The following FSTL5 variants were observed in gnomAD, a reference collection of about 807,000 sequenced individuals.
The protein encoded by FSTL5 is follistatin-related protein 5.
Under a neutral mutation model 89.1 loss-of-function variants are expected in FSTL5, and 62 were observed. That is an observed-to-expected ratio of 0.70 (90% CI 0.57 to 0.86). The LOEUF (loss-of-function observed/expected upper bound fraction) is 0.86. FSTL5 is among the 40% of genes least tolerant of loss of function. The pLI, the probability that FSTL5 is intolerant of heterozygous loss-of-function variation, is 0.00. For synonymous variants in FSTL5, 383 were observed against 346.2 expected (o/e 1.11, Z -1.18); for missense variants, 1,057 against 1,001.6 (o/e 1.06, Z -0.75).
chr4:161,407,748 G>C (rs1056151938), intron 15 of FSTL5, among the ~76,000 whole-genome samples: 4 of 125,366 alleles, frequency 3.2e-5, no homozygotes, highest in African/African-American at 1.2e-4. Context: ...TATCCCACAG[G>C]CCCACCTACC....
chr4:161,979,811 TG>T (rs1735764536), intron 3 of FSTL5, among the ~76,000 whole-genome samples: 1 of 152,014 alleles, frequency 6.6e-6, no homozygotes, highest in Non-Finnish European at 1.5e-5. Flanking sequence ...TATATTTTGG[TG>T]GGGATTGGTA....
chr4:161,699,565 C>A (rs922219036), intron 6 of FSTL5, among the ~76,000 whole-genome samples: 2 of 152,126 alleles, frequency 1.3e-5, no homozygotes, highest in Non-Finnish European at 2.9e-5. Flanking sequence ...TATAGCTTTT[C>A]ATTATTTCAT....
chr4:161,622,073 CATTAG>C (rs1026443733), intron 7 of FSTL5, among the ~76,000 whole-genome samples: 23 of 152,008 alleles, frequency 1.5e-4, no homozygotes, highest in Admixed American at 1.3e-3. Context: ...ATGCTAAAAA[CATTAG>C]AAGTTGATAA....
intron 6 of FSTL5, among the ~76,000 whole-genome samples, chr4:161,745,284 C>T (rs1740159852): frequency 6.6e-6 from 1 of 151,988 alleles, no homozygotes; most frequent in Admixed American, 6.6e-5. Flanking sequence ...TTAGAAAACA[C>T]AGATGAAAGA....
intron 3 of FSTL5, among the ~76,000 whole-genome samples, chr4:161,948,894 A>G (rs890407368): frequency 6.6e-6 from 1 of 151,994 alleles, no homozygotes; most frequent in South Asian, 2.1e-4. Context: ...CCCTGTGGCT[A>G]TTTTCTCTCA....
chr4:162,050,284 A>C (rs1738336533), intron 2 of FSTL5, among the ~76,000 whole-genome samples: 2 of 151,436 alleles, frequency 1.3e-5, no homozygotes, highest in South Asian at 4.2e-4. Context: ...AAAAAATAAT[A>C]CTCATACAGG....
intron 6 of FSTL5, among the ~76,000 whole-genome samples, chr4:161,675,444 T>C (rs1737269531): frequency 6.6e-6 from 1 of 151,548 alleles, no homozygotes; most frequent in Non-Finnish European, 1.5e-5. Context: ...ATATAACTCA[T>C]ATATTAAGTT....
At chr4:161,966,268 C>G (rs1735324869) in intron 3 of FSTL5, among the ~76,000 whole-genome samples, 1 of 152,162 alleles carries the variant, frequency 6.6e-6, no homozygotes, top group South Asian at 2.1e-4. Flanking sequence ...ACCACCCATC[C>G]TGATTTTGTT....
intron 7 of FSTL5, among the ~76,000 whole-genome samples, chr4:161,651,283 T>G (rs987343935): frequency 2.6e-5 from 4 of 151,460 alleles, no homozygotes; most frequent in African/African-American, 9.7e-5. Context: ...AATAAAAGAT[T>G]GCTAGTCAAG....
intron 3 of FSTL5, among the ~76,000 whole-genome samples, chr4:161,952,828 G>T (rs1429432618): frequency 6.6e-6 from 1 of 151,740 alleles, no homozygotes; most frequent in East Asian, 1.9e-4. Flanking sequence ...TTATCATTAT[G>T]TAACTCAACT....
chr4:161,863,600 T>C (rs1731984710), intron 4 of FSTL5, among the ~76,000 whole-genome samples: 2 of 152,152 alleles, frequency 1.3e-5, no homozygotes, highest in African/African-American at 2.4e-5. Flanking sequence ...ATAAAAGAGT[T>C]TGCCTTTTCC....
intron 7 of FSTL5, among the ~76,000 whole-genome samples, chr4:161,593,093 A>G (rs1733886890): frequency 6.6e-6 from 1 of 152,090 alleles, no homozygotes; most frequent in Non-Finnish European, 1.5e-5. Context: ...TTTATTTCTA[A>G]ATTTTTAATG....
rs759225672 is a variant in FSTL5, at chr4:161,455,055, C to CT, written c.1789dup (p.Arg597LysfsTer4). On this transcript the variant is annotated frameshift_variant, in exon 15 of 16. Coordinates refer to ENST00000306100, the MANE Select transcript of FSTL5 (RefSeq NM_020116.5). LOFTEE classifies it high-confidence loss of function. ...GGTGGGAATGAAAAAATCATCCACTCTGTCAAATTGCTTTCCCACTGGTTG... is the reference window on the plus strand; with the variant it reads ...GGTGGGAATGAAAAAATCATCCACTCTTGTCAAATTGCTTTCCCACTGGTTG... 1 of 1,613,654 alleles carries CT rather than the reference C, an allele frequency of 6.2e-7. No homozygotes were observed. Among genetic ancestry groups the CT allele is most frequent in the South Asian group, 1.1e-5 (1 of 91,030 alleles).
At chr4:161,689,590 C>T (rs531811506) in intron 6 of FSTL5, among the ~76,000 whole-genome samples, 11 of 152,114 alleles carry the variant, frequency 7.2e-5, no homozygotes, top group South Asian at 6.2e-4. Flanking sequence ...ATTACACTTG[C>T]GGCTTGCAGT....
At chr4:161,941,476 C>T (rs569141684) in intron 3 of FSTL5, among the ~76,000 whole-genome samples, 5 of 151,710 alleles carry the variant, frequency 3.3e-5, no homozygotes, top group African/African-American at 1.2e-4. Flanking sequence ...TAAGCAATAA[C>T]CAAAAGAGAG....
chr4:161,907,167 A>G (rs528688727), intron 4 of FSTL5, among the ~76,000 whole-genome samples: 1 of 152,148 alleles, frequency 6.6e-6, no homozygotes, highest in Non-Finnish European at 1.5e-5. Context: ...TCCCACTCTA[A>G]TGTTTTACAG....
At chr4:161,911,235 T>C (rs1271667129) in intron 4 of FSTL5, among the ~76,000 whole-genome samples, 1 of 152,106 alleles carries the variant, frequency 6.6e-6, no homozygotes, top group East Asian at 1.9e-4. Flanking sequence ...GCTAGAACAA[T>C]CTGTAATTCT....
At chr4:161,923,729 C>T (rs2163489) in intron 3 of FSTL5, among the ~76,000 whole-genome samples, 28,129 of 151,328 alleles carry the variant, frequency 0.19, 3,080 homozygotes, top group South Asian at 0.23. Flanking sequence ...TATAACATGT[C>T]ATATCTAGTA....
chr4:162,159,070 G>A (rs568149410), intron 1 of FSTL5, among the ~76,000 whole-genome samples: 13 of 151,950 alleles, frequency 8.6e-5, no homozygotes, highest in Non-Finnish European at 1.6e-4. Flanking sequence ...AACTACAGAG[G>A]GCAGGTAGGC....
Sources: allele counts gnomAD v4.1 joint callset (sites outside exome capture counted in the v4.1 genomes callset), GRCh38; gene constraint gnomAD v4.1.1; transcripts MANE v1.5; gene names NCBI Gene and HGNC (gene_info 2026-07-23, HGNC 2026-07-21).